Variants in CPNE5 observed in about 807,000 individuals in gnomAD.
CPNE5 encodes copine 5.
CPNE5 carries 42 observed loss-of-function variants against 81.1 expected under a neutral mutation model. That is an observed-to-expected ratio of 0.52 (90% CI 0.40 to 0.67). The LOEUF (loss-of-function observed/expected upper bound fraction) is 0.67, where lower values mean the gene tolerates loss of function less well. Ranked by LOEUF, CPNE5 falls within the 30% of genes least tolerant of loss-of-function variation. CPNE5 has a pLI of 0.00. For synonymous variants in CPNE5, 313 were observed against 321.5 expected (o/e 0.97, Z 0.28); for missense variants, 612 against 815.5 (o/e 0.75, Z 3.04).
chr6:36,827,667 T>C (rs1255778635), intron 1 of CPNE5: 1 of 985,212 alleles, frequency 1.0e-6, no homozygotes, highest in East Asian at 1.1e-4. Context: ...CTCACCATGA[T>C]CCACTGAGGA....
At chr6:36,752,956 G>T in intron 14 of CPNE5, 78 bp downstream of exon 14, 1 of 1,232,520 alleles carries the variant, frequency 8.1e-7, no homozygotes. Context: ...CCAGGGTGGG[G>T]CCAGAGCCGG....
chr6:36,773,057 T>A (rs1767177457), intron 10 of CPNE5, among the ~76,000 whole-genome samples: 1 of 152,166 alleles, frequency 6.6e-6, no homozygotes, highest in Non-Finnish European at 1.5e-5. Flanking sequence ...TTTTTAAATT[T>A]TTTTTTGTAA....
chr6:36,742,641 C>T (rs1763668210), intron 20 of CPNE5, 155 bp from the exon 21 acceptor site: 2 of 984,006 alleles, frequency 2.0e-6, no homozygotes, highest in African/African-American at 1.8e-5. Flanking sequence ...GACTGTATCC[C>T]TCAACTCCCT....
intron 1 of CPNE5, chr6:36,827,746 G>A (rs926002871): frequency 2.9e-5 from 29 of 985,396 alleles, no homozygotes; most frequent in African/African-American, 1.4e-4. Flanking sequence ...GGAGGAAACC[G>A]GGTCTTCCGC....
intron 14 of CPNE5, among the ~76,000 whole-genome samples, chr6:36,751,051 G>C (rs1331615438): frequency 6.6e-6 from 1 of 152,264 alleles, no homozygotes; most frequent in Non-Finnish European, 1.5e-5. Flanking sequence ...CAGGTGGGCA[G>C]GTGAGGGAGG....
rs1562127665 is a variant in CPNE5 at position 36,778,853 on chromosome 6, CGTT to C, written c.630_632del (p.Thr211del). ...TGCACAAGTGTCCCCAGAAAACTCA[CGTT>C]CCATCCTCGTTGCTTCTGTAGAATA... On this transcript the variant is annotated inframe_deletion and splice_region_variant, in exon 9 of 21. Coordinates refer to ENST00000244751, the MANE Select transcript of CPNE5 (RefSeq NM_020939.2). 2 of 1,588,730 alleles carry C rather than the reference CGTT, an allele frequency of 1.3e-6. No homozygotes were observed. Among genetic ancestry groups the C allele is most frequent in the South Asian group, 2.2e-5 (2 of 90,470 alleles).
At chr6:36,835,818 A>AG (rs1173356028) in intron 1 of CPNE5, among the ~76,000 whole-genome samples, 1 of 152,044 alleles carries the variant, frequency 6.6e-6, no homozygotes, top group Non-Finnish European at 1.5e-5. Flanking sequence ...AAAAAAAAAA[A>AG]GAATCTCTAG....
chr6:36,822,912 A>T, intron 2 of CPNE5, 146 bp downstream of exon 2: 1 of 576,348 alleles, frequency 1.7e-6, no homozygotes, highest in Non-Finnish European at 2.8e-6. Flanking sequence ...CTCAGACACT[A>T]TGGGAGAAAC....
chr6:36,745,329 G>T, intron 17 of CPNE5, 59 bp downstream of exon 17: 1 of 1,566,466 alleles, frequency 6.4e-7, no homozygotes, highest in South Asian at 1.2e-5. Flanking sequence ...CCCAGAGGCA[G>T]AGCTGGTGTG....
At chr6:36,768,871 A>G (rs1766812470) in intron 10 of CPNE5, among the ~76,000 whole-genome samples, 1 of 152,190 alleles carries the variant, frequency 6.6e-6, no homozygotes, top group Non-Finnish European at 1.5e-5. Flanking sequence ...TCCAAGTACT[A>G]GGTCTGTTGC....
intron 8 of CPNE5, among the ~76,000 whole-genome samples, chr6:36,779,320 A>G (rs1237358602): frequency 6.6e-6 from 1 of 152,200 alleles, no homozygotes; most frequent in African/African-American, 2.4e-5. Flanking sequence ...TGTGTGACAT[A>G]CTTGGCAGAG....
chr6:36,792,978 G>A (rs1402837373), intron 7 of CPNE5, among the ~76,000 whole-genome samples: 2 of 152,096 alleles, frequency 1.3e-5, no homozygotes, highest in African/African-American at 4.8e-5. Context: ...CTGAGCCTCA[G>A]TTTTCTCCCC....
intron 7 of CPNE5, among the ~76,000 whole-genome samples, chr6:36,793,691 A>G (rs1408417995): frequency 6.6e-6 from 1 of 152,004 alleles, no homozygotes; most frequent in East Asian, 1.9e-4. Context: ...CTCCAGGTGA[A>G]TTAGCATCCA....
chr6:36,777,918 A>G (rs1767695518), intron 9 of CPNE5, among the ~76,000 whole-genome samples: 2 of 151,168 alleles, frequency 1.3e-5, no homozygotes, highest in African/African-American at 4.9e-5. Context: ...CCCCACCCCC[A>G]TGGCAGGGAC....
At chr6:36,785,071 T>G (rs1199481070) in intron 8 of CPNE5, among the ~76,000 whole-genome samples, 2 of 152,216 alleles carry the variant, frequency 1.3e-5, no homozygotes, top group Non-Finnish European at 2.9e-5. Context: ...TCACCCTATC[T>G]TTTTAAAAAA....
intron 8 of CPNE5, among the ~76,000 whole-genome samples, chr6:36,789,622 G>A (rs77985133): frequency 0.015 from 2,233 of 152,220 alleles, 23 homozygotes; most frequent in Non-Finnish European, 0.018. Flanking sequence ...GGTGGAAAAC[G>A]GAGGCTCTGG....
intron 8 of CPNE5, among the ~76,000 whole-genome samples, chr6:36,780,330 G>A (rs576158370): frequency 6.6e-6 from 1 of 152,252 alleles, no homozygotes; most frequent in Non-Finnish European, 1.5e-5. Context: ...GGGCCAAAAC[G>A]GTGGCAGAGA....
At chr6:36,839,601 G>A, upstream of CPNE5, 1 of 455,076 alleles carries the variant, frequency 2.2e-6, no homozygotes, top group Non-Finnish European at 3.9e-6. The surrounding 1 kb of genome is among the most constrained non-coding windows in gnomAD (Gnocchi z 7.3). Context: ...GCCGCGAGGA[G>A]GCTAGGGGCC....
intron 4 of CPNE5, among the ~76,000 whole-genome samples, chr6:36,799,510 C>T (rs565262205): frequency 7.0e-4 from 106 of 152,262 alleles, no homozygotes; most frequent in African/African-American, 2.4e-3. Context: ...TCTCATGTTC[C>T]GACGGATGCT....
Sources: gnomAD v4.1 joint callset for allele counts (sites outside exome capture counted in the v4.1 genomes callset) on GRCh38, gnomAD v4.1.1 for gene constraint, Gnocchi (gnomAD v3.1) non-coding constraint, MANE v1.5 for transcripts, NCBI Gene and HGNC (gene_info 2026-07-23, HGNC 2026-07-21) for gene names.